Variants in TMEM248 observed in about 807,000 individuals in gnomAD.
TMEM248 encodes UPF0458 protein C7orf42.
In TMEM248, 9 loss-of-function variants were observed where a neutral mutation model predicts 30.3. That is an observed-to-expected ratio of 0.30 (90% CI 0.18 to 0.52). The LOEUF (loss-of-function observed/expected upper bound fraction) is 0.52, where lower values mean the gene tolerates loss of function less well. Ranked by LOEUF, TMEM248 falls within the 20% of genes least tolerant of loss-of-function variation. The pLI is 0.97. For missense variants in TMEM248, 338 were observed against 403.3 expected, an observed-to-expected ratio of 0.84 and a Z score of 1.39; for synonymous variants, 184 against 154.4, an observed-to-expected ratio of 1.19 and a Z score of -1.42.
intron 6 of TMEM248, among the ~76,000 whole-genome samples, chr7:66,954,398 T>A (rs947620677): frequency 1.3e-5 from 2 of 149,598 alleles, no homozygotes; most frequent in African/African-American, 4.9e-5. Flanking sequence ...TTTTTTTTTT[T>A]TTTTTGAGAC....
chr7:66,929,426 AT>A (rs35126436), intron 1 of TMEM248, among the ~76,000 whole-genome samples: 1,150 of 97,650 alleles, frequency 0.012, 9 homozygotes, highest in African/African-American at 0.031. Flanking sequence ...TGAGAGACAA[AT>A]TTTTTTTTTT....
At chr7:66,952,002 T>C (rs1488220014) in intron 5 of TMEM248, among the ~76,000 whole-genome samples, 2 of 152,192 alleles carry the variant, frequency 1.3e-5, no homozygotes, top group African/African-American at 2.4e-5. Context: ...TTTATAAATA[T>C]GTTCCTTTCT....
chr7:66,928,353 A>G (rs1791576974), intron 1 of TMEM248, among the ~76,000 whole-genome samples: 1 of 151,248 alleles, frequency 6.6e-6, no homozygotes, highest in Admixed American at 6.6e-5. Context: ...TCACTTTGGC[A>G]TTTGACTTGA....
chr7:66,950,568 G>A (rs1475473925), intron 4 of TMEM248, among the ~76,000 whole-genome samples: 2 of 152,026 alleles, frequency 1.3e-5, no homozygotes, highest in Admixed American at 6.6e-5. Context: ...ACCCAGTCCC[G>A]GGTATGTCTT....
Position 66,946,131 on chromosome 7 carries a change from G to A in TMEM248, c.445+870G>A, listed in dbSNP as rs183349911. 1.7e-3 allele frequency among the ~76,000 whole-genome samples: 250 copies of A among 150,540 alleles called. 1 individual carries two copies. Among genetic ancestry groups the A allele is most frequent in the Non-Finnish European group, 2.7e-3 (182 of 67,624 alleles). On this transcript the variant is annotated intron_variant, in intron 3 of 6. Transcript: ENST00000341567. The stretch of plus-strand genomic sequence containing the variant: ...CAGCTGGGCATGCAGGCATGGTGGT[G>A]CGCACTTGTAGTCCCAGCTACTCAG...
At chr7:66,926,630 C>T (rs1214800889) in intron 1 of TMEM248, among the ~76,000 whole-genome samples, 1 of 134,914 alleles carries the variant, frequency 7.4e-6, no homozygotes, top group Non-Finnish European at 1.6e-5. Flanking sequence ...AGCAAGACTC[C>T]ATCTGAAACA....
At chr7:66,937,530 G>C (rs1234528842) in intron 1 of TMEM248, among the ~76,000 whole-genome samples, 1 of 152,152 alleles carries the variant, frequency 6.6e-6, no homozygotes, top group Non-Finnish European at 1.5e-5. Context: ...GTATCTTGGT[G>C]CTCCAGTGTT....
At chr7:66,934,198 T>TTTA (rs905001671) in intron 1 of TMEM248, among the ~76,000 whole-genome samples, 18 of 150,934 alleles carry the variant, frequency 1.2e-4, no homozygotes, top group Non-Finnish European at 4.4e-5. Flanking sequence ...TTATTATTAT[T>TTTA]TTATTATTAT....
Position 66,957,758 on chromosome 7 carries a change from A to T in TMEM248, c.*2236A>T, listed in dbSNP as rs1792437140. 1 of 152,160 alleles carries T rather than the reference A, an allele frequency of 6.6e-6. No individual in the cohort carries two copies. Among genetic ancestry groups the T allele is most frequent in the Non-Finnish European group, 1.5e-5 (1 of 68,046 alleles). 9.4% of individuals were successfully genotyped at this position (152,160 alleles called of 1,614,324 possible). On this transcript the variant is annotated 3_prime_UTR_variant, in exon 7 of 7. Transcript: ENST00000341567. ...AGTTACCCTTGTTTTAATGACAGAG[A>T]GTGGCTGGAATCTGTAGCTAGGGGA...
At chr7:66,953,484 C>G (rs1046127291) in intron 6 of TMEM248, 115 bp downstream of exon 6, 23 of 1,373,574 alleles carry the variant, frequency 1.7e-5, no homozygotes, top group Non-Finnish European at 2.3e-5. Context: ...AAAGAAATGA[C>G]AGTCATCCCT....
intron 3 of TMEM248, among the ~76,000 whole-genome samples, chr7:66,945,963 A>C (rs1037837452): frequency 1.3e-5 from 2 of 151,934 alleles, no homozygotes; most frequent in Non-Finnish European, 2.9e-5. Flanking sequence ...AGGCACCTGT[A>C]GTCCCAGCTA....
At chr7:66,950,606 T>C (rs1422643319) in intron 4 of TMEM248, among the ~76,000 whole-genome samples, 2 of 152,182 alleles carry the variant, frequency 1.3e-5, no homozygotes, top group South Asian at 2.1e-4. Flanking sequence ...AGGACTAATA[T>C]ACTAAGAGTT....
At chr7:66,934,591 G>A (rs1437854985) in intron 1 of TMEM248, among the ~76,000 whole-genome samples, 1 of 152,316 alleles carries the variant, frequency 6.6e-6, no homozygotes, top group South Asian at 2.1e-4. Context: ...TTGCCATTTT[G>A]TGGGTATTTC....
intron 4 of TMEM248, 114 bp downstream of exon 4, chr7:66,948,808 G>T: frequency 8.6e-7 from 1 of 1,164,734 alleles, no homozygotes; most frequent in South Asian, 1.6e-5. Context: ...TTTCTTTATA[G>T]AATTATCTCT....
intron 1 of TMEM248, among the ~76,000 whole-genome samples, chr7:66,926,018 G>A (rs769423027): frequency 2.6e-5 from 4 of 152,022 alleles, no homozygotes; most frequent in Non-Finnish European, 5.9e-5. Context: ...AGTGCATGAC[G>A]GCTCCCTTAG....
At chr7:66,947,089 C>A (rs1792125495) in intron 3 of TMEM248, among the ~76,000 whole-genome samples, 1 of 151,652 alleles carries the variant, frequency 6.6e-6, no homozygotes, top group African/African-American at 2.4e-5. Context: ...GTGGCGTGCA[C>A]CTGTAGTCCC....
chr7:66,953,813 C>T (rs1354232838), intron 6 of TMEM248, among the ~76,000 whole-genome samples: 2 of 152,064 alleles, frequency 1.3e-5, no homozygotes, highest in Non-Finnish European at 2.9e-5. Flanking sequence ...ACCATGTTGG[C>T]CAGGCTGGTC....
intron 2 of TMEM248, 151 bp downstream of exon 2, chr7:66,942,175 C>G: frequency 1.2e-6 from 1 of 811,092 alleles, no homozygotes; most frequent in Non-Finnish European, 1.9e-6. Context: ...TTTCCATCTC[C>G]CCAGGACTCA....
chr7:66,940,772 G>T (rs1215268738), intron 1 of TMEM248, among the ~76,000 whole-genome samples: 1 of 152,182 alleles, frequency 6.6e-6, no homozygotes, highest in African/African-American at 2.4e-5. Context: ...GGCTGGGATG[G>T]CTGTGAGCCA....
Sources: allele counts gnomAD v4.1 joint callset (sites outside exome capture counted in the v4.1 genomes callset), GRCh38; gene constraint gnomAD v4.1.1; transcripts MANE v1.5; gene names NCBI Gene and HGNC (gene_info 2026-07-23, HGNC 2026-07-21).